The following OTUD7B variants were observed in gnomAD, a reference collection of about 807,000 sequenced individuals.
The protein encoded by OTUD7B is OTU domain-containing protein 7B.
Under a neutral mutation model 82.2 loss-of-function variants are expected in OTUD7B, and 34 were observed. That is an observed-to-expected ratio of 0.41 (90% CI 0.31 to 0.55). OTUD7B has a LOEUF of 0.55. OTUD7B is among the 20% of genes least tolerant of loss of function. OTUD7B has a pLI of 0.20. For missense variants in OTUD7B, 944 were observed against 1,062.1 expected, an observed-to-expected ratio of 0.89 and a Z score of 1.55; for synonymous variants, 398 against 402.7, an observed-to-expected ratio of 0.99 and a Z score of 0.14.
At chr1:149,956,600 G>C (rs896669942) in intron 7 of OTUD7B, among the ~76,000 whole-genome samples, 3 of 152,204 alleles carry the variant, frequency 2.0e-5, no homozygotes, top group Non-Finnish European at 2.9e-5. Flanking sequence ...GGTTGGGGAA[G>C]TTCTCCTGTA....
At chr1:149,965,969 C>G (rs1649497754) in intron 4 of OTUD7B, 91 bp from the exon 5 acceptor site, 1 of 902,482 alleles carries the variant, frequency 1.1e-6, no homozygotes, top group Non-Finnish European at 1.8e-6. Context: ...GCAGCCTCCT[C>G]TAGGAGGCCT....
At chr1:150,037,287 T>C in the OTUD7B span, among the ~76,000 whole-genome samples, 1 of 151,124 alleles carries the variant, frequency 6.6e-6, no homozygotes, top group South Asian at 2.1e-4. Flanking sequence ...TGCCCATTCC[T>C]TAATCTGAAG....
chr1:150,057,278 T>C, the OTUD7B span, among the ~76,000 whole-genome samples: 1 of 152,344 alleles, frequency 6.6e-6, no homozygotes, highest in East Asian at 1.9e-4. Flanking sequence ...TTTTGGTCTT[T>C]GTACTATGGT....
chr1:149,984,848 A>G (rs1553780505), intron 1 of OTUD7B, among the ~76,000 whole-genome samples: 1 of 152,024 alleles, frequency 6.6e-6, no homozygotes, highest in Non-Finnish European at 1.5e-5. Context: ...ATAATCTTTC[A>G]CTAAGTTTTA....
chr1:150,022,576 C>A, the OTUD7B span, among the ~76,000 whole-genome samples: 2 of 152,028 alleles, frequency 1.3e-5, no homozygotes, highest in Admixed American at 1.3e-4. Flanking sequence ...CCCAGCCTAG[C>A]GGTAGTGCCT....
chr1:150,002,207 TC>T (rs1285437623), intron 1 of OTUD7B, among the ~76,000 whole-genome samples: 148 of 1,430 alleles, frequency 0.1, no homozygotes, highest in African/African-American at 0.26. Flanking sequence ...GTTTAGATAT[TC>T]TTTTTTTTTT....
intron 1 of OTUD7B, among the ~76,000 whole-genome samples, chr1:150,004,961 C>T (rs1652568927): frequency 6.6e-6 from 1 of 152,176 alleles, no homozygotes; most frequent in Non-Finnish European, 1.5e-5. Context: ...CTCCTGGGTT[C>T]AAGTGATTCT....
chr1:150,008,950 G>T (rs1041654331), intron 1 of OTUD7B, among the ~76,000 whole-genome samples: 1 of 152,096 alleles, frequency 6.6e-6, no homozygotes, highest in East Asian at 1.9e-4. Context: ...AAATTAGAAC[G>T]GTCGGGGGTA....
the OTUD7B span, among the ~76,000 whole-genome samples, chr1:150,062,151 C>T: frequency 2.0e-5 from 3 of 152,252 alleles, no homozygotes; most frequent in Non-Finnish European, 4.4e-5. Context: ...AGGAAGCTTC[C>T]TTGGGAGTTT....
At chr1:150,048,768 A>G in the OTUD7B span, among the ~76,000 whole-genome samples, 109 of 152,296 alleles carry the variant, frequency 7.2e-4, 1 homozygote, top group Non-Finnish European at 7.6e-4. Context: ...AATGATTTCC[A>G]TGTACAAAAC....
intron 1 of OTUD7B, among the ~76,000 whole-genome samples, chr1:149,999,346 T>A (rs1257814597): frequency 6.6e-6 from 1 of 152,196 alleles, no homozygotes; most frequent in East Asian, 1.9e-4. Flanking sequence ...AACTCTCAAA[T>A]TCTATTTTCA....
intron 7 of OTUD7B, among the ~76,000 whole-genome samples, chr1:149,958,002 G>A (rs1282984948): frequency 1.3e-5 from 2 of 152,170 alleles, no homozygotes; most frequent in African/African-American, 2.4e-5. Flanking sequence ...GCAATGCCCC[G>A]CCCTGCTTCG....
At chr1:149,977,822 T>A (rs1388739446) in intron 1 of OTUD7B, among the ~76,000 whole-genome samples, 1 of 152,320 alleles carries the variant, frequency 6.6e-6, no homozygotes, top group East Asian at 1.9e-4. Flanking sequence ...TTCCTGTACT[T>A]TTCCTGAGTA....
chr1:149,947,988 T>C (rs1311666372), intron 10 of OTUD7B, among the ~76,000 whole-genome samples: 1 of 152,196 alleles, frequency 6.6e-6, no homozygotes, highest in African/African-American at 2.4e-5. Context: ...TATTTATTTA[T>C]TTATTTTTTG....
chr1:150,012,093 TAA>T, upstream of OTUD7B, among the ~76,000 whole-genome samples: 1 of 152,324 alleles, frequency 6.6e-6, no homozygotes, highest in East Asian at 1.9e-4. Flanking sequence ...GGTTGACAAG[TAA>T]AGTCATTTGG....
At chr1:149,992,157 G>A (rs1300373149) in intron 1 of OTUD7B, among the ~76,000 whole-genome samples, 4 of 152,158 alleles carry the variant, frequency 2.6e-5, no homozygotes, top group East Asian at 1.9e-4. Flanking sequence ...CCCGGGAGGC[G>A]GAGGTTGCAC....
chr1:150,061,025 G>A, the OTUD7B span, among the ~76,000 whole-genome samples: 1 of 146,850 alleles, frequency 6.8e-6, no homozygotes, highest in African/African-American at 2.5e-5. Flanking sequence ...GCACCCGGCT[G>A]ACTAAAACAA....
chr1:150,011,402 T>G (rs7523203), upstream of OTUD7B, among the ~76,000 whole-genome samples: 1,962 of 152,296 alleles, frequency 0.013, 45 homozygotes, highest in African/African-American at 0.045. Flanking sequence ...GTATCACTGC[T>G]CTCAGTGATA....
intron 3 of OTUD7B, among the ~76,000 whole-genome samples, chr1:149,967,939 G>A (rs981810778): frequency 6.6e-6 from 1 of 152,098 alleles, no homozygotes; most frequent in African/African-American, 2.4e-5. Flanking sequence ...AATTCTCAGG[G>A]TCTTGGGAAA....
Sources: allele counts gnomAD v4.1 joint callset (sites outside exome capture counted in the v4.1 genomes callset), GRCh38; gene constraint gnomAD v4.1.1; transcripts MANE v1.5; gene names NCBI Gene and HGNC (gene_info 2026-07-23, HGNC 2026-07-21).